The following IGFL2 variants were observed in gnomAD, a reference collection of about 807,000 sequenced individuals.
IGFL2 encodes the protein IGF like family member 2, also known as insulin growth factor-like family member 2.
Under a neutral mutation model 13.9 loss-of-function variants are expected in IGFL2, and 7 were observed. The ratio of observed to expected loss-of-function variants is 0.51; its 90% CI spans 0.29 to 0.95. The LOEUF (loss-of-function observed/expected upper bound fraction) is 0.95, where lower values mean the gene tolerates loss of function less well. Among genes scored for constraint, IGFL2 ranks in the 40% least tolerant of loss-of-function variants. IGFL2 has a pLI of 0.08. For synonymous variants in IGFL2, 55 were observed against 55.8 expected, an observed-to-expected ratio of 0.99 and a Z score of 0.07; for missense variants, 138 against 147.8, an observed-to-expected ratio of 0.93 and a Z score of 0.34.
chr19:46,202,807 G>C, the IGFL2 span: 1 of 152,342 alleles, frequency 6.6e-6, no homozygotes, highest in Non-Finnish European at 1.5e-5. Context: ...TAGCAAGAGA[G>C]GTTGGAGAAG....
At chr19:46,128,880 C>T in the IGFL2 span, among the ~76,000 whole-genome samples, 1 of 152,086 alleles carries the variant, frequency 6.6e-6, no homozygotes, top group Admixed American at 6.6e-5. Flanking sequence ...GGGAGGAGTC[C>T]CTCCTTCTCA....
the IGFL2 span, among the ~76,000 whole-genome samples, chr19:46,087,856 CA>C: frequency 6.6e-6 from 1 of 152,120 alleles, no homozygotes; most frequent in Non-Finnish European, 1.5e-5. Context: ...CTGTTTGGCC[CA>C]GGGAAGGATG....
chr19:46,194,216 C>A, the IGFL2 span, among the ~76,000 whole-genome samples: 1 of 152,068 alleles, frequency 6.6e-6, no homozygotes, highest in Non-Finnish European at 1.5e-5. Context: ...AGGGGGACCA[C>A]CAGAATGCCC....
At chr19:46,201,287 T>C in the IGFL2 span, among the ~76,000 whole-genome samples, 1 of 152,212 alleles carries the variant, frequency 6.6e-6, no homozygotes, top group African/African-American at 2.4e-5. Context: ...TGGGCCATGG[T>C]CAGTGCCCTC....
At chr19:46,127,974 A>G in the IGFL2 span, among the ~76,000 whole-genome samples, 6 of 151,932 alleles carry the variant, frequency 3.9e-5, no homozygotes, top group African/African-American at 1.5e-4. Context: ...ATGTTTTCCC[A>G]CTTTTTTGTG....
At chr19:46,125,793 C>T in the IGFL2 span, among the ~76,000 whole-genome samples, 1 of 152,188 alleles carries the variant, frequency 6.6e-6, no homozygotes, top group Non-Finnish European at 1.5e-5. Context: ...CTAGTGAGCC[C>T]AGGCTGTCAG....
chr19:46,212,737 C>T, the IGFL2 span: 113 of 147,830 alleles, frequency 7.6e-4, 1 homozygote, highest in African/African-American at 2.7e-3. Flanking sequence ...CTCTCTCTCT[C>T]CTCTCACTGT....
chr19:46,164,839 CT>C (rs1974322610), downstream of IGFL2, among the ~76,000 whole-genome samples: 1 of 152,210 alleles, frequency 6.6e-6, no homozygotes, highest in African/African-American at 2.4e-5. Flanking sequence ...TGCTGTCTCA[CT>C]TCGTGAACAG....
At chr19:46,136,860 G>T in the IGFL2 span, 1 of 733,484 alleles carries the variant, frequency 1.4e-6, no homozygotes, top group East Asian at 2.6e-5. Flanking sequence ...AGGGGGAGGA[G>T]TGTTGAAAAG....
chr19:46,115,101 A>T, the IGFL2 span, among the ~76,000 whole-genome samples: 1 of 152,176 alleles, frequency 6.6e-6, no homozygotes, highest in Non-Finnish European at 1.5e-5. Context: ...GTGTCCTAGA[A>T]TATTTGGTGA....
chr19:46,213,296 A>T, the IGFL2 span: 1 of 152,166 alleles, frequency 6.6e-6, no homozygotes, highest in Non-Finnish European at 1.5e-5. Context: ...ATCTACTATG[A>T]CACATACCCT....
At chr19:46,193,275 G>A in the IGFL2 span, among the ~76,000 whole-genome samples, 4 of 152,086 alleles carry the variant, frequency 2.6e-5, no homozygotes, top group African/African-American at 7.2e-5. Context: ...GTGAAATGCC[G>A]TGTCGTCCCG....
At chr19:46,171,217 G>A in the IGFL2 span, among the ~76,000 whole-genome samples, 1 of 152,054 alleles carries the variant, frequency 6.6e-6, no homozygotes, top group African/African-American at 2.4e-5. Context: ...CGACACTTAG[G>A]GAAAACAGAA....
the IGFL2 span, among the ~76,000 whole-genome samples, chr19:46,086,123 A>G: frequency 6.6e-6 from 1 of 151,486 alleles, no homozygotes; most frequent in Non-Finnish European, 1.5e-5. Context: ...TGTATTTTCT[A>G]TTTCATTCAA....
chr19:46,140,877 C>G (rs1191967538), upstream of IGFL2, among the ~76,000 whole-genome samples: 3 of 152,160 alleles, frequency 2.0e-5, no homozygotes, highest in African/African-American at 7.2e-5. Context: ...GTTTTACCTC[C>G]AGGAACCCTA....
the IGFL2 span, among the ~76,000 whole-genome samples, chr19:46,197,930 G>A: frequency 6.6e-6 from 1 of 151,262 alleles, no homozygotes; most frequent in Non-Finnish European, 1.5e-5. Flanking sequence ...GAGCTTAAGT[G>A]ACCTGCCTGC....
chr19:46,109,174 C>G, the IGFL2 span, among the ~76,000 whole-genome samples: 1 of 151,968 alleles, frequency 6.6e-6, no homozygotes, highest in Non-Finnish European at 1.5e-5. Flanking sequence ...GGGCTGAGCC[C>G]AAAAAGAGAG....
At chr19:46,106,809 C>T in the IGFL2 span, among the ~76,000 whole-genome samples, 1 of 151,934 alleles carries the variant, frequency 6.6e-6, no homozygotes, top group Admixed American at 6.6e-5. Flanking sequence ...TGGCGTTGAG[C>T]ATGGTAAGGG....
chr19:46,083,780 G>A, the IGFL2 span, among the ~76,000 whole-genome samples: 1 of 152,120 alleles, frequency 6.6e-6, no homozygotes, highest in South Asian at 2.1e-4. Flanking sequence ...GGAAGAGGTA[G>A]TGATTAGAGA....
Sources: allele counts gnomAD v4.1 joint callset (sites outside exome capture counted in the v4.1 genomes callset), GRCh38; gene constraint gnomAD v4.1.1; transcripts MANE v1.5; gene names NCBI Gene and HGNC (gene_info 2026-07-23, HGNC 2026-07-21).